Variants in CHMP7 observed in about 807,000 individuals in gnomAD.
CHMP7 encodes charged multivesicular body protein 7.
Under a neutral mutation model 53.7 loss-of-function variants are expected in CHMP7, and 15 were observed. The ratio of observed to expected loss-of-function variants is 0.28; its 90% CI spans 0.19 to 0.43. The LOEUF (loss-of-function observed/expected upper bound fraction) is 0.43, where lower values mean the gene tolerates loss of function less well. Ranked by LOEUF, CHMP7 falls within the 20% of genes least tolerant of loss-of-function variation. The pLI, the probability that CHMP7 is intolerant of heterozygous loss-of-function variation, is 1.00. For missense variants in CHMP7, 527 were observed against 569.4 expected (o/e 0.93, Z 0.76); for synonymous variants, 261 against 228.0 (o/e 1.14, Z -1.30).
chr8:23,249,347 C>T lies in CHMP7; in HGVS notation c.437C>T (p.Ala146Val), dbSNP rs149327190. ...SNMLGDNKVP[A>V]EEVLVAVELL... ...ATGCTGGGAGATAATAAGGTTCCAG[C>T]TGAGGAGGTCCTTGTCGCTGTGGAG... is the stretch of plus-strand genomic sequence containing the variant. Residue 146 changes from alanine to valine, a missense_variant, in exon 3 of 11, where the codon GCT (alanine) becomes GTT (valine). Coordinates refer to ENST00000397677, the MANE Select transcript of CHMP7 (RefSeq NM_152272.5). 9.6e-4 allele frequency: 1,543 copies of T among 1,610,688 alleles called. 9 individuals carry two copies. Among genetic ancestry groups the T allele is most frequent in the South Asian group, 6.6e-3 (598 of 90,666 alleles).
chr8:23,246,392 G>GT lies in CHMP7; in HGVS notation c.-303dup, dbSNP rs1029262097. ...CGAACTCCAGAATCTTGAAGGAGAC[G>GT]TAAGGTGCAGCCACCTGCCGCGCAG... On this transcript the variant is annotated 5_prime_UTR_variant, in exon 2 of 11. An upstream open reading frame in the 5' UTR loses its in-frame stop. Transcript: ENST00000397677. 1 of 413,508 alleles carries GT rather than the reference G, an allele frequency of 2.4e-6. No individual in the cohort carries two copies. Among genetic ancestry groups the GT allele is most frequent in the South Asian group, 2.8e-5 (1 of 35,284 alleles). 25.6% of individuals were successfully genotyped at this position (413,508 alleles called of 1,614,324 possible).
At chr8:23,260,047 T>C (rs951671279) in intron 9 of CHMP7, 97 bp from the exon 10 acceptor site, 3 of 971,740 alleles carry the variant, frequency 3.1e-6, no homozygotes, top group African/African-American at 3.2e-5. Flanking sequence ...CTGGCATCTT[T>C]TGTAAAGCTA....
chr8:23,257,945 T>C, intron 5 of CHMP7, 88 bp from the exon 6 acceptor site: 1 of 865,610 alleles, frequency 1.2e-6, no homozygotes, highest in Non-Finnish European at 1.9e-6. Flanking sequence ...TAAAACCACC[T>C]TAACTGAGTG....
Position 23,260,950 on chromosome 8 carries a change from G to T in CHMP7, c.*351G>T. The T allele has an allele frequency of 3.2e-6, 1 of 310,940 alleles. No individual in the cohort carries two copies. Among genetic ancestry groups the T allele is most frequent in the Non-Finnish European group, 6.0e-6 (1 of 166,910 alleles). 19.3% of individuals were successfully genotyped at this position (310,940 alleles called of 1,614,324 possible). A position where few individuals can be genotyped will look rare whatever the true frequency, so the allele number is the denominator to read the frequency against. Reference sequence around the variant, plus strand: ...TCCAGCCCATGAAGGGGAAAGATTTGCAGCTTTGCCAAATCTGAATCAGTT... The same window carrying T: ...TCCAGCCCATGAAGGGGAAAGATTTTCAGCTTTGCCAAATCTGAATCAGTT... On this transcript the variant is annotated 3_prime_UTR_variant, in exon 11 of 11. Coordinates refer to ENST00000397677, the MANE Select transcript of CHMP7 (RefSeq NM_152272.5).
intron 3 of CHMP7, among the ~76,000 whole-genome samples, chr8:23,251,094 C>T (rs918357484): frequency 3.3e-5 from 5 of 152,148 alleles, no homozygotes; most frequent in African/African-American, 4.8e-5. Flanking sequence ...GTCCTCTCTG[C>T]GGTCTTTCTG....
At chr8:23,259,224 A>G in intron 9 of CHMP7, 98 bp downstream of exon 9, 3 of 604,232 alleles carry the variant, frequency 5.0e-6, no homozygotes, top group South Asian at 2.0e-5. Context: ...GCTGGAGTGC[A>G]GTGGCGGGAT....
chr8:23,250,165 G>A (rs189034715), intron 3 of CHMP7, among the ~76,000 whole-genome samples: 207 of 152,180 alleles, frequency 1.4e-3, no homozygotes, highest in African/African-American at 4.7e-3. Flanking sequence ...CCCCTCACAC[G>A]CTCATTCCAT....
chr8:23,252,195 C>CTTTTTTTTTTTTTTTTTTTTTTTTT (rs373288680), intron 3 of CHMP7, among the ~76,000 whole-genome samples: 1 of 105,296 alleles, frequency 9.5e-6, no homozygotes, highest in Non-Finnish European at 2.0e-5. Context: ...ATTGTGTTAT[C>CTTTTTTTTTTTTTTTTTTTTTTTTT]TTTTTTTTTT....
At chr8:23,258,242 G>T in intron 6 of CHMP7, 88 bp from the exon 7 acceptor site, 1 of 1,566,690 alleles carries the variant, frequency 6.4e-7, no homozygotes, top group South Asian at 1.1e-5. Flanking sequence ...AAGAAAGCTG[G>T]GACATCCTTA....
chr8:23,258,893 C>CATTGCACA (rs1802250821), intron 8 of CHMP7, 63 bp downstream of exon 8: 1 of 1,209,594 alleles, frequency 8.3e-7, no homozygotes, highest in South Asian at 1.2e-5. Context: ...GATTTGACTT[C>CATTGCACA]ATTGCACATC....
In CHMP7 at chr8:23,261,825, G is replaced by A. The variant is rs1399783697; in HGVS notation, c.*1226G>A. The A allele has an allele frequency of 6.6e-6, 1 of 152,660 alleles. No homozygotes were observed. Among genetic ancestry groups the A allele is most frequent in the Non-Finnish European group, 1.5e-5 (1 of 68,052 alleles). 9.5% of individuals were successfully genotyped at this position (152,660 alleles called of 1,614,324 possible). A position where few individuals can be genotyped will look rare whatever the true frequency, so the allele number is the denominator to read the frequency against. On this transcript the variant is annotated 3_prime_UTR_variant, in exon 11 of 11. Coordinates refer to ENST00000397677, the MANE Select transcript of CHMP7 (RefSeq NM_152272.5). ...GCCCTTTGCCCTGTCCCTGCTGCCTGAGGTGGCGTAGAGCAGAGGAGAAGA... is the reference window on the plus strand; with the variant it reads ...GCCCTTTGCCCTGTCCCTGCTGCCTAAGGTGGCGTAGAGCAGAGGAGAAGA...
chr8:23,245,579 T>C (rs889438471), intron 1 of CHMP7, among the ~76,000 whole-genome samples: 2 of 152,304 alleles, frequency 1.3e-5, no homozygotes, highest in South Asian at 2.1e-4. Flanking sequence ...TGTTTTGTGT[T>C]TTTTCTTTCT....
In CHMP7 at chr8:23,246,767, G is replaced by C; in HGVS notation, c.72G>C (p.Trp24Cys). 6.4e-7 allele frequency: 1 copy of C among 1,561,882 alleles called. No homozygotes were observed. The highest frequency in any genetic ancestry group is 8.7e-7 in the Non-Finnish European group (1 of 1,153,516). ...GDPAGLLPPE[W>C]EEDEERMSFL... ...CGGCGGGCCTTCTGCCCCCCGAGTGGGAGGAGGACGAGGAGCGCATGTCCT... is the reference window on the plus strand; with the variant it reads ...CGGCGGGCCTTCTGCCCCCCGAGTGCGAGGAGGACGAGGAGCGCATGTCCT... Residue 24 changes from tryptophan (W) to cysteine (C), a missense_variant, in exon 2 of 11, where the codon TGG becomes TGC. Trp to Cys is a radical substitution (Grantham distance 215). Coordinates refer to ENST00000397677, the MANE Select transcript of CHMP7 (RefSeq NM_152272.5).
chr8:23,258,113 G>A, intron 6 of CHMP7, 32 bp downstream of exon 6: 1 of 1,589,416 alleles, frequency 6.3e-7, no homozygotes, highest in Non-Finnish European at 8.6e-7. Flanking sequence ...ACCCATAGCA[G>A]TGCCCCAGGC....
chr8:23,244,410 A>G (rs2128855807), intron 1 of CHMP7, among the ~76,000 whole-genome samples: 1 of 152,234 alleles, frequency 6.6e-6, no homozygotes, highest in South Asian at 2.1e-4. Context: ...GACTCTTTGA[A>G]CCATTGTATT....
At chr8:23,252,871 T>A (rs568039831) in intron 3 of CHMP7, among the ~76,000 whole-genome samples, 5 of 152,354 alleles carry the variant, frequency 3.3e-5, no homozygotes, top group African/African-American at 1.2e-4. Flanking sequence ...CATTAATTTA[T>A]TTGTGTGTGG....
At position 23,246,519 on chromosome 8, in the gene CHMP7, C is replaced by A; in HGVS notation, c.-177C>A. Reference sequence around the variant, plus strand: ...CTTCATCATACTGCCTCCTGGCTGACGGAGCGCAGCGCAACGCATGCGCCT... The same window carrying A: ...CTTCATCATACTGCCTCCTGGCTGAAGGAGCGCAGCGCAACGCATGCGCCT... On this transcript the variant is annotated 5_prime_UTR_variant, in exon 2 of 11. Coordinates refer to ENST00000397677, the MANE Select transcript of CHMP7 (RefSeq NM_152272.5). 2 of 613,414 alleles carry A rather than the reference C, an allele frequency of 3.3e-6. No homozygotes were observed. Among genetic ancestry groups the A allele is most frequent in the Non-Finnish European group, 5.7e-6 (2 of 350,994 alleles). 38.0% of individuals were successfully genotyped at this position (613,414 alleles called of 1,614,324 possible).
rs1364512195 is a variant in CHMP7 at position 23,246,253 on chromosome 8, C to G, written c.-440-3C>G. On this transcript the variant is annotated splice_region_variant and splice_polypyrimidine_tract_variant and intron_variant, in intron 1 of 10. Coordinates refer to ENST00000397677, the MANE Select transcript of CHMP7 (RefSeq NM_152272.5). ...TCATTGATATAAATTTCCCTCTATA[C>G]AGAGATTCACGGATCCATCCGGGTG... 1 of 169,902 alleles carries G rather than the reference C, an allele frequency of 5.9e-6. No homozygotes were observed. The highest frequency in any genetic ancestry group is 1.3e-5 in the Non-Finnish European group (1 of 78,884). 10.5% of individuals were successfully genotyped at this position (169,902 alleles called of 1,614,324 possible).
Position 23,258,401 on chromosome 8 carries a change from T to C in CHMP7, c.912T>C (p.Thr304=), listed in dbSNP as rs1402554637. 3.1e-6 allele frequency: 5 copies of C among 1,614,030 alleles called. No homozygotes were observed. Among genetic ancestry groups the C allele is most frequent in the Admixed American group, 1.7e-5 (1 of 60,008 alleles). The change falls in exon 7 of 11, where the codon ACT becomes ACC. Residue 304 remains threonine, a synonymous_variant. Coordinates refer to ENST00000397677, the MANE Select transcript of CHMP7 (RefSeq NM_152272.5). The part of the protein sequence containing the change: ...RIEALHAKLD[T]VQGILDRIYA... The stretch of plus-strand genomic sequence containing the variant: ...AGGCCTTGCATGCCAAGCTGGACAC[T>C]GTTCAAGGCATCCTGGACCGGATCT...
Sources: allele counts gnomAD v4.1 joint callset (sites outside exome capture counted in the v4.1 genomes callset), GRCh38; gene constraint gnomAD v4.1.1; transcripts MANE v1.5; gene names NCBI Gene and HGNC (gene_info 2026-07-23, HGNC 2026-07-21).